The following KCNH1 variants were observed in gnomAD, a reference collection of about 807,000 sequenced individuals.
KCNH1 encodes potassium voltage-gated channel subfamily H member 1, also known as voltage-gated delayed rectifier potassium channel KCNH1.
In KCNH1, 27 loss-of-function variants were observed where a neutral mutation model predicts 69.2. The observed-to-expected ratio is 0.39, with a 90% CI of 0.29 to 0.54. The LOEUF (loss-of-function observed/expected upper bound fraction) is 0.54. Among genes scored for constraint, KCNH1 ranks in the 20% least tolerant of loss-of-function variants. KCNH1 has a pLI of 0.68. For synonymous variants in KCNH1, 456 were observed against 487.7 expected (o/e 0.93, Z 0.86); for missense variants, 798 against 1,261.6 (o/e 0.63, Z 5.57).
In KCNH1 at chr1:210,948,045, T is replaced by TAA. The variant is rs34741110; in HGVS notation, c.1033-27978_1033-27977dup. Among the ~76,000 whole-genome samples the TAA allele has an allele frequency of 6.1e-3, 849 of 139,652 alleles. 8 individuals are homozygous for TAA. The highest frequency in any genetic ancestry group is 0.019 in the African/African-American group (731 of 37,716). 91.6% of individuals were successfully genotyped at this position (139,652 alleles called of 152,430 possible). ...CCACATAGTGAGACCCCATCCCTATTAAAAAAAAAAAAAAGGAAAAAATTA... is the reference window on the plus strand; with the variant it reads ...CCACATAGTGAGACCCCATCCCTATTAAAAAAAAAAAAAAAAGGAAAAAATTA... On this transcript the variant is annotated intron_variant, in intron 6 of 10. Transcript: ENST00000271751.
Position 211,082,753 on chromosome 1 carries a change from C to G in KCNH1, c.558+27G>C, listed in dbSNP as rs558062637. ...CCATGCACCCCCTAAAAGTGAGGCT[C>G]AAGATGAGCTAACCCTTTGCCCTTA... On this transcript the variant is annotated intron_variant, in intron 5 of 10. Transcript: ENST00000271751. 5.2e-5 allele frequency: 82 copies of G among 1,577,436 alleles called. 2 individuals carry two copies. The South Asian group carries it at 8.8e-4, about 17-fold the overall frequency.
intron 5 of KCNH1, among the ~76,000 whole-genome samples, chr1:211,049,037 GA>G (rs888978796): frequency 1.1e-4 from 16 of 146,520 alleles, no homozygotes; most frequent in South Asian, 2.2e-4. Flanking sequence ...TTTATTTGAA[GA>G]AAAAAAAAAT....
chr1:210,901,956 C>T (rs1291269465), intron 7 of KCNH1, among the ~76,000 whole-genome samples: 3 of 152,170 alleles, frequency 2.0e-5, no homozygotes, highest in Non-Finnish European at 4.4e-5. Context: ...GGCTCTTCTG[C>T]ACAGCTTCAT....
At chr1:210,913,712 G>C (rs1350144689) in intron 7 of KCNH1, among the ~76,000 whole-genome samples, 6 of 152,154 alleles carry the variant, frequency 3.9e-5, no homozygotes, top group African/African-American at 1.4e-4. Context: ...TAAGACTATG[G>C]GGAGAAGAAG....
intron 10 of KCNH1, 136 bp from the exon 11 acceptor site, chr1:210,684,274 A>G (rs955411620): frequency 4.7e-5 from 40 of 845,412 alleles, no homozygotes; most frequent in African/African-American, 3.9e-4. Context: ...CTCACAGCCT[A>G]CAAGGCCTCA....
At chr1:211,093,248 C>A (rs1023331924) in intron 3 of KCNH1, among the ~76,000 whole-genome samples, 1 of 152,152 alleles carries the variant, frequency 6.6e-6, no homozygotes, top group African/African-American at 2.4e-5. Flanking sequence ...TACTGGGAGG[C>A]CTTTTTCATT....
chr1:211,068,964 A>G (rs4511184), intron 5 of KCNH1, among the ~76,000 whole-genome samples: 130,139 of 152,222 alleles, frequency 0.85, 56,208 homozygotes, highest in African/African-American at 0.94. Flanking sequence ...TTTTACCTCC[A>G]GGAACTATCC....
Position 210,806,806 on chromosome 1 carries a change from C to CTAAAA in KCNH1, c.1463-2641_1463-2640insTTTTA, listed in dbSNP as rs1558477653. ...CCAATATGGTGAAACCCCATCTCTA[C>CTAAAA]CAAAAAAAAAAAAAAAAAAAAAAAA... On this transcript the variant is annotated intron_variant, in intron 7 of 10. Coordinates refer to ENST00000271751, the MANE Select transcript of KCNH1 (RefSeq NM_172362.3). 1.2e-4 allele frequency among the ~76,000 whole-genome samples: 10 copies of CTAAAA among 86,262 alleles called. 1 individual carries two copies. Among genetic ancestry groups the CTAAAA allele is most frequent in the Admixed American group, 2.6e-4 (2 of 7,824 alleles). 56.6% of individuals were successfully genotyped at this position (86,262 alleles called of 152,430 possible).
At chr1:210,862,064 G>A (rs1280724400) in intron 7 of KCNH1, 3 of 811,732 alleles carry the variant, frequency 3.7e-6, no homozygotes, top group East Asian at 4.9e-5. Context: ...ATATACTTTT[G>A]TGCTGTTTCT....
intron 7 of KCNH1, among the ~76,000 whole-genome samples, chr1:210,863,706 G>A (rs1686033417): frequency 6.6e-6 from 1 of 152,188 alleles, no homozygotes; most frequent in South Asian, 2.1e-4. Context: ...GGGAAAGTCA[G>A]GTGCTGAGGC....
chr1:211,040,190 C>CA (rs35260257), intron 5 of KCNH1, among the ~76,000 whole-genome samples: 56,382 of 108,334 alleles, frequency 0.52, 12,783 homozygotes, highest in Non-Finnish European at 0.57. Context: ...GACTCCGTCT[C>CA]AAAAAAAAAA....
At chr1:210,999,047 C>A (rs1689112176) in intron 6 of KCNH1, among the ~76,000 whole-genome samples, 3 of 152,094 alleles carry the variant, frequency 2.0e-5, no homozygotes, top group Non-Finnish European at 4.4e-5. Context: ...ACTACATGCC[C>A]ACAAGAGAAA....
intron 6 of KCNH1, among the ~76,000 whole-genome samples, chr1:211,014,341 C>T (rs767028226): frequency 1.3e-5 from 2 of 152,222 alleles, no homozygotes; most frequent in Non-Finnish European, 2.9e-5. Context: ...TTAGTTCGCT[C>T]TGTTTCCAGA....
chr1:210,855,298 T>G (rs114918342), intron 7 of KCNH1, among the ~76,000 whole-genome samples: 1 of 152,278 alleles, frequency 6.6e-6, no homozygotes, highest in East Asian at 1.9e-4. Context: ...GCAAAGAATT[T>G]AAAAGACAAG....
At chr1:210,913,865 G>A (rs1405391125) in intron 7 of KCNH1, among the ~76,000 whole-genome samples, 2 of 152,106 alleles carry the variant, frequency 1.3e-5, no homozygotes, top group East Asian at 1.9e-4. Context: ...GTGTGGCTAG[G>A]TTACCAAGTT....
chr1:210,798,733 C>T (rs1440966590), intron 8 of KCNH1, among the ~76,000 whole-genome samples: 1 of 152,130 alleles, frequency 6.6e-6, no homozygotes, highest in African/African-American at 2.4e-5. Context: ...GTGAGGGAAA[C>T]TTTGACTGGG....
chr1:210,764,519 C>G (rs1683585792), intron 10 of KCNH1, among the ~76,000 whole-genome samples: 1 of 151,948 alleles, frequency 6.6e-6, no homozygotes, highest in Admixed American at 6.6e-5. Flanking sequence ...AATCAACAAG[C>G]AAAAACCAAA....
At chr1:211,031,046 A>T (rs1488753954) in intron 5 of KCNH1, among the ~76,000 whole-genome samples, 1 of 152,150 alleles carries the variant, frequency 6.6e-6, no homozygotes, top group Non-Finnish European at 1.5e-5. Flanking sequence ...CGATATTACT[A>T]CACACCTATT....
At chr1:210,775,971 G>T (rs1683851435) in intron 9 of KCNH1, among the ~76,000 whole-genome samples, 1 of 152,140 alleles carries the variant, frequency 6.6e-6, no homozygotes, top group African/African-American at 2.4e-5. Context: ...ATAACACAGT[G>T]CCTGCACATG....
Sources: allele counts gnomAD v4.1 joint callset (sites outside exome capture counted in the v4.1 genomes callset), GRCh38; gene constraint gnomAD v4.1.1; transcripts MANE v1.5; gene names NCBI Gene and HGNC (gene_info 2026-07-23, HGNC 2026-07-21).